Variants in GART observed in about 807,000 individuals in gnomAD.
GART encodes trifunctional purine biosynthetic protein adenosine-3.
GART carries 43 observed loss-of-function variants against 107.2 expected under a neutral mutation model. That is an observed-to-expected ratio of 0.40 (90% CI 0.31 to 0.52). The LOEUF (loss-of-function observed/expected upper bound fraction) is 0.52, where lower values mean the gene tolerates loss of function less well. Among genes scored for constraint, GART ranks in the 20% least tolerant of loss-of-function variants. GART has a pLI of 0.52. For missense variants in GART, 1,107 were observed against 1,206.5 expected (o/e 0.92, Z 1.22); for synonymous variants, 434 against 427.0 (o/e 1.02, Z -0.20).
chr21:33,540,077 G>A (rs2085382297), intron 1 of GART, among the ~76,000 whole-genome samples: 1 of 152,184 alleles, frequency 6.6e-6, no homozygotes, highest in Non-Finnish European at 1.5e-5. Context: ...AGGATATACT[G>A]AAAACTGGGG....
chr21:33,535,011 T>C (rs2085277355), intron 3 of GART, among the ~76,000 whole-genome samples: 1 of 152,168 alleles, frequency 6.6e-6, no homozygotes, highest in Admixed American at 6.5e-5. Flanking sequence ...TAAAGACATA[T>C]AAAATGTTTT....
At chr21:33,519,786 C>T (rs527992740) in intron 14 of GART, among the ~76,000 whole-genome samples, 1 of 151,476 alleles carries the variant, frequency 6.6e-6, no homozygotes, top group Admixed American at 6.6e-5. Context: ...TGTGATTGAA[C>T]CACTGCACTC....
chr21:33,507,652 G>A (rs1218497891), intron 18 of GART, among the ~76,000 whole-genome samples: 1 of 152,080 alleles, frequency 6.6e-6, no homozygotes. Flanking sequence ...CCAACATGAT[G>A]AAACCCCATC....
chr21:33,535,817 C>A lies in GART; in HGVS notation c.146-497G>T, dbSNP rs574607012. Among the ~76,000 whole-genome samples, 535 of 152,218 alleles carry A rather than the reference C, an allele frequency of 3.5e-3. 3 individuals are homozygous for A. The highest frequency in any genetic ancestry group is 0.012 in the African/African-American group (512 of 41,516). ...CCGAGGTGGGTGGATCACCTAAGGTCAGGAGTTCGAGACCAGCCTGAACAA... is the reference window on the plus strand; with the variant it reads ...CCGAGGTGGGTGGATCACCTAAGGTAAGGAGTTCGAGACCAGCCTGAACAA... On this transcript the variant is annotated intron_variant, in intron 2 of 21. Coordinates refer to ENST00000381815, the MANE Select transcript of GART (RefSeq NM_000819.5).
At chr21:33,519,009 CT>C in intron 14 of GART, 1 of 274,792 alleles carries the variant, frequency 3.6e-6, no homozygotes, top group Non-Finnish European at 7.3e-6. Context: ...ATTGTTTACC[CT>C]TAACTTCTTA....
chr21:33,539,057 G>A (rs1363617276), intron 2 of GART, 114 bp downstream of exon 2: 2 of 974,538 alleles, frequency 2.1e-6, no homozygotes, highest in Admixed American at 2.8e-5. Flanking sequence ...TGGGATTACA[G>A]GCATTAGCCA....
At position 33,529,021 on chromosome 21, in the gene GART, A is replaced by G. The variant is rs1053197587; in HGVS notation, c.724-84T>C. The G allele has an allele frequency of 3.5e-6, 3 of 851,682 alleles. No homozygotes were observed. In the African/African-American group the frequency reaches 5.1e-5, roughly 15 times the overall value. The allele number at this position is 851,682 out of a possible 1,614,324, so 52.8% of individuals were successfully genotyped here. A position where few individuals can be genotyped will look rare whatever the true frequency, so the allele number is the denominator to read the frequency against. On this transcript the variant is annotated intron_variant, in intron 7 of 21. Transcript: ENST00000381815. ...TTACATGGGACAACAGAAGGGGATG[A>G]TGAGGATAACTCATTTTTTTACTAC... is the stretch of plus-strand genomic sequence containing the variant.
At chr21:33,513,172 C>T (rs2084819362) in intron 16 of GART, among the ~76,000 whole-genome samples, 1 of 150,068 alleles carries the variant, frequency 6.7e-6, no homozygotes, top group Non-Finnish European at 1.5e-5. Flanking sequence ...ATCATGCTGG[C>T]CAGGCTGGTC....
At chr21:33,527,014 A>G (rs946512273) in intron 10 of GART, among the ~76,000 whole-genome samples, 1 of 152,226 alleles carries the variant, frequency 6.6e-6, no homozygotes, top group African/African-American at 2.4e-5. Flanking sequence ...GTAAAACTCA[A>G]TATTGCTCTG....
intron 11 of GART, among the ~76,000 whole-genome samples, chr21:33,522,770 A>T (rs2084996133): frequency 6.6e-6 from 1 of 152,184 alleles, no homozygotes; most frequent in African/African-American, 2.4e-5. Flanking sequence ...GTCCCAGTTA[A>T]ATAACTCCCC....
At chr21:33,509,581 T>A (rs1176359454) in intron 18 of GART, 1 of 421,868 alleles carries the variant, frequency 2.4e-6, no homozygotes, top group African/African-American at 2.0e-5. Flanking sequence ...CTTTCTGACA[T>A]CCTTTACTTT....
intron 16 of GART, among the ~76,000 whole-genome samples, chr21:33,516,309 T>C (rs569985462): frequency 6.6e-6 from 1 of 151,924 alleles, no homozygotes; most frequent in Non-Finnish European, 1.5e-5. Context: ...GATAATACTT[T>C]TACATGGTTT....
In GART at chr21:33,516,980, T is replaced by C. The variant is rs2084890592; in HGVS notation, c.2107+9A>G. On this transcript the variant is annotated intron_variant, in intron 16 of 21. Transcript: ENST00000381815. ...TTTTCTGAACAGAAGTTCGTTTTAGTGATCTTACCTAAATCTACCCCAAGT... is the reference window on the plus strand; with the variant it reads ...TTTTCTGAACAGAAGTTCGTTTTAGCGATCTTACCTAAATCTACCCCAAGT... 4.4e-6 allele frequency: 7 copies of C among 1,582,368 alleles called. No homozygotes were observed. Among genetic ancestry groups the C allele is most frequent in the Non-Finnish European group, 6.0e-6 (7 of 1,170,920 alleles).
intron 6 of GART, chr21:33,531,261 T>C (rs2085182687): frequency 6.0e-6 from 3 of 503,826 alleles, no homozygotes; most frequent in Non-Finnish European, 1.0e-5. Flanking sequence ...AGAACCTCAA[T>C]AGTGTGTAAG....
Position 33,503,982 on chromosome 21 carries a change from A to T in GART, c.*142T>A, listed in dbSNP as rs148155071. 1,258 of 660,342 alleles carry T rather than the reference A, an allele frequency of 1.9e-3. 3 individuals carry two copies. The highest frequency in any genetic ancestry group is 8.1e-3 in the African/African-American group (447 of 55,344). 40.9% of individuals were successfully genotyped at this position (660,342 alleles called of 1,614,324 possible). Reference sequence around the variant, plus strand: ...TCTTGTTTTTAGTGAGTCTCTATTTATTAAAAAAATAGATGAAGTAAGGGT... The same window carrying T: ...TCTTGTTTTTAGTGAGTCTCTATTTTTTAAAAAAATAGATGAAGTAAGGGT... On this transcript the variant is annotated 3_prime_UTR_variant, in exon 22 of 22. Coordinates refer to ENST00000381815, the MANE Select transcript of GART (RefSeq NM_000819.5).
chr21:33,531,467 C>T (rs1429251598), intron 6 of GART, 22 bp downstream of exon 6: 2 of 1,606,726 alleles, frequency 1.2e-6, no homozygotes, highest in African/African-American at 1.3e-5. Flanking sequence ...ACTACAAAAG[C>T]CAAAAAGATG....
chr21:33,504,445 G>T lies in GART; in HGVS notation c.2808C>A (p.Val936=). 1 of 1,614,058 alleles carries T rather than the reference G, an allele frequency of 6.2e-7. No individual in the cohort carries two copies. Among genetic ancestry groups the T allele is most frequent in the Non-Finnish European group, 8.5e-7 (1 of 1,179,962 alleles). ...AGTGTACAGTGCACCCAGTAACTGT[G>T]ACTCCGGTTTCCAGGGCTTGCTCAT... The part of the protein sequence containing the change: ...NAHEQALETG[V]TVTGCTVHFV... The change falls in exon 21 of 22, where the codon GTC becomes GTA. Residue 936 remains valine, a synonymous_variant. Transcript: ENST00000381815.
intron 5 of GART, 130 bp from the exon 6 acceptor site, chr21:33,531,687 C>G: frequency 2.5e-6 from 2 of 789,582 alleles, no homozygotes; most frequent in South Asian, 3.7e-5. Context: ...TTTTCTTTCC[C>G]TTTCAGAAAG....
chr21:33,528,413 A>C, intron 9 of GART, 78 bp from the exon 10 acceptor site: 2 of 1,559,988 alleles, frequency 1.3e-6, no homozygotes, highest in Non-Finnish European at 1.8e-6. Context: ...GTGTACTAGC[A>C]GAACTTGCAT....
Sources: gnomAD v4.1 joint callset for allele counts (sites outside exome capture counted in the v4.1 genomes callset) on GRCh38, gnomAD v4.1.1 for gene constraint, MANE v1.5 for transcripts, NCBI Gene and HGNC (gene_info 2026-07-23, HGNC 2026-07-21) for gene names.